The following DLGAP1 variants were observed in gnomAD, a reference collection of about 807,000 sequenced individuals.
DLGAP1 encodes the protein DLG associated protein 1.
A neutral mutation model predicts 90.8 loss-of-function variants in DLGAP1; 11 were observed. The ratio of observed to expected loss-of-function variants is 0.12; its 90% CI spans 0.08 to 0.20. The LOEUF is 0.20. DLGAP1 is among the 10% of genes least tolerant of loss of function. DLGAP1 has a pLI of 1.00. For missense variants in DLGAP1, 1,050 were observed against 1,333.8 expected (o/e 0.79, Z 3.31); for synonymous variants, 558 against 540.7 (o/e 1.03, Z -0.44).
chr18:3,994,506 C>T (rs141125188), intron 3 of DLGAP1, among the ~76,000 whole-genome samples: 37 of 152,282 alleles, frequency 2.4e-4, no homozygotes, highest in Admixed American at 1.2e-3. Flanking sequence ...TGACAGAGTG[C>T]GGCTAAAAAT....
At chr18:3,973,203 A>G (rs2073490978) in intron 3 of DLGAP1, among the ~76,000 whole-genome samples, 1 of 151,906 alleles carries the variant, frequency 6.6e-6, no homozygotes, top group Non-Finnish European at 1.5e-5. Context: ...GAACACAGAA[A>G]CTAAGATGGT....
chr18:4,310,956 TTCTC>T (rs1240112935), intron 1 of DLGAP1, among the ~76,000 whole-genome samples: 3 of 152,194 alleles, frequency 2.0e-5, no homozygotes, highest in Admixed American at 1.3e-4. Context: ...ACCTTAGTAA[TTCTC>T]TCTGCTGGGT....
intron 5 of DLGAP1, among the ~76,000 whole-genome samples, chr18:3,790,416 C>T (rs974203640): frequency 1.3e-5 from 2 of 151,882 alleles, no homozygotes; most frequent in Non-Finnish European, 2.9e-5. Flanking sequence ...CACAGGTGTG[C>T]ATCACCATGA....
At chr18:3,726,887 A>T (rs983863636) in intron 7 of DLGAP1, among the ~76,000 whole-genome samples, 1 of 152,198 alleles carries the variant, frequency 6.6e-6, no homozygotes, top group African/African-American at 2.4e-5. Flanking sequence ...ATAGAGTCCA[A>T]GAAGGAGCAA....
Position 3,758,423 on chromosome 18 carries a change from T to A in DLGAP1, c.1173-15911A>T, listed in dbSNP as rs138465747. 1.2e-3 allele frequency among the ~76,000 whole-genome samples: 183 copies of A among 152,286 alleles called. 1 individual carries two copies. The highest frequency in any genetic ancestry group is 4.3e-3 in the African/African-American group (177 of 41,564). On this transcript the variant is annotated intron_variant, in intron 5 of 12. Transcript: ENST00000315677. ...TAATAACGGGAGCTTCAGTTTACAG[T>A]GAATCTCTTGATGATATTGATCATT...
intron 1 of DLGAP1, among the ~76,000 whole-genome samples, chr18:4,426,065 C>T (rs2083145885): frequency 1.3e-5 from 2 of 152,082 alleles, no homozygotes; most frequent in African/African-American, 4.8e-5. Context: ...GAAGTTATGA[C>T]ACCCAGAACA....
chr18:3,597,298 A>T (rs2056638494), intron 7 of DLGAP1: 1 of 480,812 alleles, frequency 2.1e-6, no homozygotes, highest in Middle Eastern at 3.3e-4. Context: ...ATGGAATCAC[A>T]TGACGCAACA....
intron 5 of DLGAP1, among the ~76,000 whole-genome samples, chr18:3,767,242 T>C (rs550007163): frequency 6.6e-6 from 1 of 152,230 alleles, no homozygotes; most frequent in South Asian, 2.1e-4. Flanking sequence ...CTTAAGGATA[T>C]TGACTTTGTA....
intron 1 of DLGAP1, among the ~76,000 whole-genome samples, chr18:4,353,358 G>A (rs2081439396): frequency 6.6e-6 from 1 of 152,162 alleles, no homozygotes; most frequent in African/African-American, 2.4e-5. Context: ...CAAATGACCT[G>A]AAGTAGCTAC....
chr18:3,720,892 A>C (rs1016514558), intron 7 of DLGAP1, among the ~76,000 whole-genome samples: 1 of 144,346 alleles, frequency 6.9e-6, no homozygotes, highest in African/African-American at 2.7e-5. Context: ...TCTCTACAAA[A>C]AAAAAAAAAA....
At chr18:3,573,402 T>C (rs990760779) in intron 8 of DLGAP1, among the ~76,000 whole-genome samples, 2 of 152,086 alleles carry the variant, frequency 1.3e-5, no homozygotes, top group African/African-American at 4.8e-5. Flanking sequence ...CTCGGGAGAC[T>C]GAGGCAGGAT....
At position 3,775,425 on chromosome 18, in the gene DLGAP1, T is replaced by C. The variant is rs8089713; in HGVS notation, c.1173-32913A>G. Among the ~76,000 whole-genome samples, 72,975 of 151,968 alleles carry C rather than the reference T, an allele frequency of 0.48. 17,656 individuals are homozygous for C. The highest frequency in any genetic ancestry group is 0.5 in the African/African-American group (20,719 of 41,400). On this transcript the variant is annotated intron_variant, in intron 5 of 12. Transcript: ENST00000315677. The surrounding 1 kb of genome is among the most constrained non-coding windows in gnomAD (Gnocchi z 4.9). ...AGAGATCTGGTTGTTTGAATGCGTA[T>C]AGCACTTCCCCCTTCATTCTTTCTT...
chr18:3,877,702 C>T (rs1001400814), intron 4 of DLGAP1, among the ~76,000 whole-genome samples: 1 of 152,198 alleles, frequency 6.6e-6, no homozygotes, highest in Non-Finnish European at 1.5e-5. Context: ...CTAGTCCCAC[C>T]TCTGCCACAT....
At chr18:3,542,644 A>G (rs1409438041) in intron 9 of DLGAP1, among the ~76,000 whole-genome samples, 1 of 152,210 alleles carries the variant, frequency 6.6e-6, no homozygotes, top group African/African-American at 2.4e-5. Flanking sequence ...GCATACCCCC[A>G]AGAATGACAG....
rs1457720629 is a variant in DLGAP1, at chr18:3,517,596, T to A, written c.2480-8935A>T. 6.6e-6 allele frequency among the ~76,000 whole-genome samples: 1 copy of A among 152,128 alleles called. No homozygotes were observed. Among genetic ancestry groups the A allele is most frequent in the Non-Finnish European group, 1.5e-5 (1 of 68,018 alleles). ...ACTTTGGGAGGCTGAGGCGGGTGGG[T>A]TACCTGAGGTCAGGAGGTCGAGACA... On this transcript the variant is annotated intron_variant, in intron 10 of 12. Transcript: ENST00000315677. The surrounding 1 kb of genome is among the most constrained non-coding windows in gnomAD (Gnocchi z 4.1).
At chr18:3,972,190 C>T (rs1372246304) in intron 3 of DLGAP1, among the ~76,000 whole-genome samples, 3 of 151,618 alleles carry the variant, frequency 2.0e-5, no homozygotes, top group Admixed American at 6.6e-5. Context: ...ATAAAAAATA[C>T]AACACCTCAA....
At position 4,096,042 on chromosome 18, in the gene DLGAP1, T is replaced by C. The variant is rs148900473; in HGVS notation, c.-159+55138A>G. ...AATCTATGTTTTTGGGGATTTGTTT[T>C]TGAGACAAAGTCTCGCTTTGTCGGC... On this transcript the variant is annotated intron_variant, in intron 2 of 12. Transcript: ENST00000315677. Among the ~76,000 whole-genome samples, 804 of 152,310 alleles carry C rather than the reference T, an allele frequency of 5.3e-3. 8 individuals are homozygous for C. Among genetic ancestry groups the C allele is most frequent in the African/African-American group, 0.019 (776 of 41,554 alleles).
chr18:3,512,832 GC>G lies in DLGAP1; in HGVS notation c.2480-4172del, dbSNP rs546665641. Among the ~76,000 whole-genome samples the G allele has an allele frequency of 2.0e-3, 299 of 152,308 alleles. 1 individual carries two copies. The highest frequency in any genetic ancestry group is 6.8e-3 in the African/African-American group (282 of 41,558). On this transcript the variant is annotated intron_variant, in intron 10 of 12. Coordinates refer to ENST00000315677, the MANE Select transcript of DLGAP1 (RefSeq NM_004746.4). ...TGCGTCTGAATCTACTTAAGTGGAA[GC>G]TATCCGAGTGTGATTTCCTTCTTTT...
chr18:4,314,751 A>G (rs57871139), intron 1 of DLGAP1, among the ~76,000 whole-genome samples: 19,899 of 152,188 alleles, frequency 0.13, 1,664 homozygotes, highest in East Asian at 0.22. Flanking sequence ...ATTATGACAT[A>G]AAATGTACTC....
Sources: allele counts gnomAD v4.1 joint callset (sites outside exome capture counted in the v4.1 genomes callset), GRCh38; gene constraint gnomAD v4.1.1; non-coding constraint Gnocchi (gnomAD v3.1); transcripts MANE v1.5; gene names NCBI Gene and HGNC (gene_info 2026-07-23, HGNC 2026-07-21).